FRYL: variants seen among roughly 807,000 people sequenced by gnomAD.
FRYL encodes the protein FRY like transcription coactivator.
FRYL carries 150 observed loss-of-function variants against 351.2 expected under a neutral mutation model. The observed-to-expected ratio is 0.43, with a 90% CI of 0.37 to 0.49. The LOEUF is 0.49. Ranked by LOEUF, FRYL falls within the 20% of genes least tolerant of loss-of-function variation. The probability of loss-of-function intolerance (pLI) is 0.00; values close to 1 mark genes in which losing one functional copy is unlikely to be tolerated. For synonymous variants in FRYL, 1,153 were observed against 1,257.1 expected, an observed-to-expected ratio of 0.92 and a Z score of 1.75; for missense variants, 3,036 against 3,619.3, an observed-to-expected ratio of 0.84 and a Z score of 4.13.
Position 48,645,180 on chromosome 4 carries a change from T to G in FRYL, c.-80-10690A>C, listed in dbSNP as rs191641338. 1.2e-4 allele frequency among the ~76,000 whole-genome samples: 14 copies of G among 120,338 alleles called. No homozygotes were observed. In the East Asian group the frequency reaches 3.6e-3, roughly 31 times the overall value. The allele number at this position is 120,338 out of a possible 152,430, so 78.9% of individuals were successfully genotyped here. ...TCAGACTGGCAAATACTAAAAAGAATGCATATATCACCTACTGCAGGTAAG... is the reference window on the plus strand; with the variant it reads ...TCAGACTGGCAAATACTAAAAAGAAGGCATATATCACCTACTGCAGGTAAG... On this transcript the variant is annotated intron_variant, in intron 3 of 63. Coordinates refer to ENST00000358350, the MANE Select transcript of FRYL (RefSeq NM_015030.2).
At chr4:48,505,184 G>A (rs545328039) in intron 60 of FRYL, among the ~76,000 whole-genome samples, 3 of 151,820 alleles carry the variant, frequency 2.0e-5, no homozygotes, top group Non-Finnish European at 4.4e-5. Flanking sequence ...TTATTCTTAG[G>A]TTTGCTTTCT....
chr4:48,509,117 G>T (rs141348419), intron 59 of FRYL, among the ~76,000 whole-genome samples: 8 of 152,216 alleles, frequency 5.3e-5, no homozygotes, highest in African/African-American at 1.7e-4. Context: ...TGATAACCTG[G>T]ACTTATTAAA....
At chr4:48,734,358 A>G (rs1453913788) in intron 1 of FRYL, among the ~76,000 whole-genome samples, 1 of 152,212 alleles carries the variant, frequency 6.6e-6, no homozygotes, top group African/African-American at 2.4e-5. Context: ...CCAAAAAGAC[A>G]TAACAATACT....
intron 1 of FRYL, among the ~76,000 whole-genome samples, chr4:48,734,163 AACTC>A (rs1166717994): frequency 6.6e-6 from 1 of 152,202 alleles, no homozygotes; most frequent in South Asian, 2.1e-4. Context: ...GTCTACAAGA[AACTC>A]ACTTTCAATA....
intron 1 of FRYL, chr4:48,727,525 A>G (rs1329497727): frequency 6.6e-6 from 1 of 152,190 alleles, no homozygotes; most frequent in Non-Finnish European, 1.5e-5. Context: ...GATCAGTGTA[A>G]GAAAGTCTGA....
chr4:48,692,445 T>C (rs547780673), intron 2 of FRYL, among the ~76,000 whole-genome samples: 37 of 151,898 alleles, frequency 2.4e-4, no homozygotes, highest in Admixed American at 1.9e-3. Context: ...CAGGCTGGAG[T>C]GCAGTGGCAT....
chr4:48,729,712 T>C (rs1158678942), intron 1 of FRYL, among the ~76,000 whole-genome samples: 3 of 151,858 alleles, frequency 2.0e-5, no homozygotes, highest in Admixed American at 6.6e-5. Flanking sequence ...AAAAAAGACA[T>C]ACCCACCAAA....
intron 1 of FRYL, among the ~76,000 whole-genome samples, chr4:48,736,852 A>G (rs1771482417): frequency 2.1e-5 from 3 of 144,030 alleles, no homozygotes; most frequent in Non-Finnish European, 3.0e-5. Flanking sequence ...TCTGTCTCGA[A>G]AAAAAAAAAA....
chr4:48,701,832 A>G (rs563260648), intron 2 of FRYL, among the ~76,000 whole-genome samples: 1 of 152,326 alleles, frequency 6.6e-6, no homozygotes, highest in East Asian at 1.9e-4. Context: ...GCGATCAAAT[A>G]TTTAATGCCC....
At chr4:48,502,870 CAAAA>C in intron 60 of FRYL, 25 bp from the exon 61 acceptor site, 1 of 1,595,012 alleles carries the variant, frequency 6.3e-7, no homozygotes, top group Non-Finnish European at 8.6e-7. Context: ...GATCAGGTCA[CAAAA>C]AATACAAAGG....
Position 48,501,710 on chromosome 4 carries a change from T to C in FRYL, c.8505A>G (p.Leu2835=). 1 of 1,605,774 alleles carries C rather than the reference T, an allele frequency of 6.2e-7. No individual in the cohort carries two copies. Among genetic ancestry groups the C allele is most frequent in the Non-Finnish European group, 8.5e-7 (1 of 1,172,878 alleles). ...ILAELELCRR[L]YKLHFQLLLL... is the part of the protein sequence containing the mutation. ...GCAGCAATTGAAAATGCAATTTGTA[T>C]AATCTTCGGCAGAGCTCCAATTCCT... The change falls in exon 62 of 64, where the codon TTA becomes TTG. Residue 2835 remains leucine (L), a synonymous_variant. Transcript: ENST00000358350.
chr4:48,729,389 T>C (rs1319779730), intron 1 of FRYL, among the ~76,000 whole-genome samples: 1 of 152,222 alleles, frequency 6.6e-6, no homozygotes, highest in African/African-American at 2.4e-5. Flanking sequence ...GCAGCTGTTC[T>C]CCCAGCACGG....
intron 2 of FRYL, among the ~76,000 whole-genome samples, chr4:48,686,468 T>C (rs557962270): frequency 1.3e-5 from 2 of 152,340 alleles, no homozygotes; most frequent in South Asian, 4.1e-4. Flanking sequence ...TCTTGATACT[T>C]TGCTTATCTT....
intron 3 of FRYL, among the ~76,000 whole-genome samples, chr4:48,676,456 A>G (rs1371353282): frequency 6.6e-6 from 1 of 152,174 alleles, no homozygotes; most frequent in Admixed American, 6.5e-5. Flanking sequence ...TCTTGAAGTC[A>G]GTGAGACCAA....
At chr4:48,771,003 T>G (rs1386352009) in intron 1 of FRYL, among the ~76,000 whole-genome samples, 1 of 152,194 alleles carries the variant, frequency 6.6e-6, no homozygotes, top group Non-Finnish European at 1.5e-5. Flanking sequence ...TTTTGTTATT[T>G]CCTTTCAAAT....
At chr4:48,534,029 C>T (rs1265198899) in intron 49 of FRYL, among the ~76,000 whole-genome samples, 3 of 152,150 alleles carry the variant, frequency 2.0e-5, no homozygotes, top group Non-Finnish European at 2.9e-5. Context: ...GAGTTCGAGA[C>T]CAGCCTGGCC....
intron 54 of FRYL, among the ~76,000 whole-genome samples, chr4:48,522,462 C>T (rs922255994): frequency 2.0e-5 from 3 of 152,182 alleles, no homozygotes; most frequent in African/African-American, 7.2e-5. Flanking sequence ...CCGTACTCTT[C>T]TGAAATAACA....
intron 33 of FRYL, among the ~76,000 whole-genome samples, chr4:48,558,432 G>C (rs1162690273): frequency 6.6e-6 from 1 of 152,148 alleles, no homozygotes; most frequent in Admixed American, 6.5e-5. Flanking sequence ...CAGAGCTTGG[G>C]GGCAGAGGGA....
chr4:48,501,842 G>T, intron 61 of FRYL, 109 bp from the exon 62 acceptor site: 1 of 717,174 alleles, frequency 1.4e-6, no homozygotes, highest in Non-Finnish European at 2.4e-6. Flanking sequence ...TCTGCAGTAA[G>T]GAAGTTAATA....
Sources: allele counts gnomAD v4.1 joint callset (sites outside exome capture counted in the v4.1 genomes callset), GRCh38; gene constraint gnomAD v4.1.1; transcripts MANE v1.5; gene names NCBI Gene and HGNC (gene_info 2026-07-23, HGNC 2026-07-21).